The following MCMBP variants were observed in gnomAD, a reference collection of about 807,000 sequenced individuals.
The protein encoded by MCMBP is mini-chromosome maintenance complex-binding protein.
In MCMBP, 31 loss-of-function variants were observed where a neutral mutation model predicts 81.3. That is an observed-to-expected ratio of 0.38 (90% CI 0.29 to 0.51). The LOEUF (loss-of-function observed/expected upper bound fraction) is 0.51, where lower values mean the gene tolerates loss of function less well. Among genes scored for constraint, MCMBP ranks in the 20% least tolerant of loss-of-function variants. The pLI, the probability that MCMBP is intolerant of heterozygous loss-of-function variation, is 0.87. For missense variants in MCMBP, 645 were observed against 772.1 expected (o/e 0.84, Z 1.95); for synonymous variants, 267 against 275.9 (o/e 0.97, Z 0.32).
chr10:119,835,456 C>T (rs1852205770), intron 14 of MCMBP, 84 bp downstream of exon 14: 2 of 1,188,690 alleles, frequency 1.7e-6, no homozygotes, highest in African/African-American at 1.6e-5. Flanking sequence ...AACAAAATTA[C>T]CTTATCAGTA....
At chr10:119,834,229 C>T (rs1852153616) in intron 14 of MCMBP, among the ~76,000 whole-genome samples, 1 of 152,172 alleles carries the variant, frequency 6.6e-6, no homozygotes, top group African/African-American at 2.4e-5. Context: ...AATTATTCTG[C>T]ACCTCCAAGA....
At chr10:119,848,977 G>A (rs554901267) in intron 7 of MCMBP, among the ~76,000 whole-genome samples, 1 of 152,300 alleles carries the variant, frequency 6.6e-6, no homozygotes, top group South Asian at 2.1e-4. Flanking sequence ...ATGTGCAGGT[G>A]TGATTAAATT....
At chr10:119,832,317 C>T (rs997425872) in intron 14 of MCMBP, among the ~76,000 whole-genome samples, 1 of 152,066 alleles carries the variant, frequency 6.6e-6, no homozygotes, top group Non-Finnish European at 1.5e-5. Flanking sequence ...TATAAATCAG[C>T]AACTGGCATA....
chr10:119,833,514 CA>C (rs1369769611), intron 14 of MCMBP, among the ~76,000 whole-genome samples: 2 of 150,764 alleles, frequency 1.3e-5, no homozygotes, highest in Non-Finnish European at 3.0e-5. Flanking sequence ...AAAGAAAAAA[CA>C]AAAAAACAAA....
At chr10:119,853,006 T>C (rs1852885295) in intron 6 of MCMBP, 44 bp downstream of exon 6, 8 of 1,608,566 alleles carry the variant, frequency 5.0e-6, no homozygotes, top group Non-Finnish European at 6.8e-6. Flanking sequence ...ACCAATCTAC[T>C]GTAAGAGAGC....
intron 7 of MCMBP, 71 bp downstream of exon 7, chr10:119,849,354 A>G: frequency 6.7e-7 from 1 of 1,490,180 alleles, no homozygotes; most frequent in Non-Finnish European, 9.1e-7. Context: ...ACAAATGCAA[A>G]TGCTCAGACA....
rs1404206046 is a variant in MCMBP at position 119,830,757 on chromosome 10, G to GTGAT, written c.*713_*716dup. On this transcript the variant is annotated 3_prime_UTR_variant, in exon 16 of 16. Coordinates refer to ENST00000369077, the MANE Select transcript of MCMBP (RefSeq NM_001256378.2). ...GTCCTTTCCTTTTATGAAAAAAATG[G>GTGAT]TGATAATACAGTGATTTATTCGGAT... The GTGAT allele has an allele frequency of 1.3e-5, 2 of 152,536 alleles. No homozygotes were observed. Among genetic ancestry groups the GTGAT allele is most frequent in the South Asian group, 2.1e-4 (1 of 4,828 alleles). 9.4% of individuals were successfully genotyped at this position (152,536 alleles called of 1,614,324 possible). A position where few individuals can be genotyped will look rare whatever the true frequency, so the allele number is the denominator to read the frequency against.
intron 1 of MCMBP, among the ~76,000 whole-genome samples, chr10:119,861,162 G>C (rs1453189646): frequency 6.6e-6 from 1 of 152,196 alleles, no homozygotes; most frequent in African/African-American, 2.4e-5. Context: ...TTGTTATGGA[G>C]CTGCATCTGT....
chr10:119,837,068 A>T (rs1268995761), intron 12 of MCMBP, 39 bp from the exon 13 acceptor site: 1 of 1,605,378 alleles, frequency 6.2e-7, no homozygotes. Flanking sequence ...ATTTGACTTT[A>T]ATCATCTAAA....
chr10:119,834,262 A>T (rs1034829540), intron 14 of MCMBP, among the ~76,000 whole-genome samples: 1 of 150,372 alleles, frequency 6.7e-6, no homozygotes, highest in Non-Finnish European at 1.5e-5. Flanking sequence ...TCCATGTAGG[A>T]TAAACTCAGA....
At position 119,835,515 on chromosome 10, in the gene MCMBP, A is replaced by G. The variant is rs1852207846; in HGVS notation, c.1707+25T>C. On this transcript the variant is annotated intron_variant, in intron 14 of 15. Coordinates refer to ENST00000369077, the MANE Select transcript of MCMBP (RefSeq NM_001256378.2). ...GCATACTGCAATTCAACACAGGGAA[A>G]TCCTTTATTTTAACCTAGACATACC... 6.3e-6 allele frequency: 10 copies of G among 1,592,522 alleles called. No individual in the cohort carries two copies. In the South Asian group the frequency reaches 1.0e-4, roughly 16 times the overall value.
intron 10 of MCMBP, among the ~76,000 whole-genome samples, chr10:119,841,868 A>C (rs1852445402): frequency 6.6e-6 from 1 of 152,234 alleles, no homozygotes; most frequent in Non-Finnish European, 1.5e-5. Flanking sequence ...TTCAGAATGC[A>C]AAAGGGATAA....
intron 14 of MCMBP, among the ~76,000 whole-genome samples, chr10:119,833,908 A>AT (rs2134334785): frequency 6.6e-6 from 1 of 152,302 alleles, no homozygotes; most frequent in African/African-American, 2.4e-5. Flanking sequence ...GAGAGAAATA[A>AT]TTTTTTAGAA....
chr10:119,858,056 G>A (rs989065018), intron 4 of MCMBP: 10 of 152,222 alleles, frequency 6.6e-5, no homozygotes, highest in African/African-American at 2.4e-4. Context: ...AATAAACACT[G>A]TGCCAAGCCT....
intron 1 of MCMBP, among the ~76,000 whole-genome samples, chr10:119,865,144 A>ATT (rs1772848140): frequency 4.6e-5 from 7 of 152,160 alleles, no homozygotes; most frequent in Admixed American, 2.6e-4. Context: ...ACAATTGCAG[A>ATT]TTTGCCTATT....
At chr10:119,862,992 C>T (rs1853315671) in intron 1 of MCMBP, among the ~76,000 whole-genome samples, 1 of 152,180 alleles carries the variant, frequency 6.6e-6, no homozygotes, top group African/African-American at 2.4e-5. Flanking sequence ...TCTTTTGCCC[C>T]TTTTAAAATT....
chr10:119,848,595 AGAGT>A (rs1405094544), intron 7 of MCMBP, among the ~76,000 whole-genome samples: 1 of 152,174 alleles, frequency 6.6e-6, no homozygotes, highest in Non-Finnish European at 1.5e-5. Flanking sequence ...CCTGGACAAG[AGAGT>A]GAGACTGCCT....
In MCMBP at chr10:119,841,953, G is replaced by C. The variant is rs563133489; in HGVS notation, c.1124+519C>G. 7.4e-4 allele frequency among the ~76,000 whole-genome samples: 112 copies of C among 152,310 alleles called. 1 individual carries two copies. Among genetic ancestry groups the C allele is most frequent in the African/African-American group, 2.6e-3 (107 of 41,564 alleles). ...ACGCCCAGGCCGTGGACCAGTACTGGTTCATGGCCTGTTAGGAACCGGGCC... is the reference window on the plus strand; with the variant it reads ...ACGCCCAGGCCGTGGACCAGTACTGCTTCATGGCCTGTTAGGAACCGGGCC... On this transcript the variant is annotated intron_variant, in intron 10 of 15. Coordinates refer to ENST00000369077, the MANE Select transcript of MCMBP (RefSeq NM_001256378.2).
chr10:119,834,537 C>CTGGT (rs1383881913), intron 14 of MCMBP, among the ~76,000 whole-genome samples: 1 of 152,016 alleles, frequency 6.6e-6, no homozygotes, highest in African/African-American at 2.4e-5. Context: ...TAAAAGAGGG[C>CTGGT]TGGGCGAGGT....
Sources: gnomAD v4.1 joint callset for allele counts (sites outside exome capture counted in the v4.1 genomes callset) on GRCh38, gnomAD v4.1.1 for gene constraint, MANE v1.5 for transcripts, NCBI Gene and HGNC (gene_info 2026-07-23, HGNC 2026-07-21) for gene names.